RNF169: variants seen among roughly 807,000 people sequenced by gnomAD.
The protein encoded by RNF169 is E3 ubiquitin-protein ligase RNF169.
Under a neutral mutation model 53.9 loss-of-function variants are expected in RNF169, and 24 were observed. The observed-to-expected ratio is 0.45, with a 90% CI of 0.32 to 0.63. The LOEUF (loss-of-function observed/expected upper bound fraction) is 0.63. RNF169 is among the 20% of genes least tolerant of loss of function. The pLI, the probability that RNF169 is intolerant of heterozygous loss-of-function variation, is 0.04. For missense variants in RNF169, 883 were observed against 906.2 expected, an observed-to-expected ratio of 0.97 and a Z score of 0.33; for synonymous variants, 396 against 363.5, an observed-to-expected ratio of 1.09 and a Z score of -1.02.
In RNF169 at chr11:74,814,550, T is replaced by C. The variant is rs549540473; in HGVS notation, c.724-3046T>C. Among the ~76,000 whole-genome samples the C allele has an allele frequency of 2.4e-4, 36 of 151,914 alleles. No homozygotes were observed. In the South Asian group the frequency reaches 7.1e-3, roughly 30 times the overall value. Reference sequence around the variant, plus strand: ...GCGCCTATTACATGCCTGACTAGTTTTTTTTTCAAGTTTTTGTTTTTGTAG... The same window carrying C: ...GCGCCTATTACATGCCTGACTAGTTCTTTTTTCAAGTTTTTGTTTTTGTAG... On this transcript the variant is annotated intron_variant, in intron 3 of 5. Transcript: ENST00000299563.
intron 5 of RNF169, among the ~76,000 whole-genome samples, chr11:74,835,245 T>C (rs2036236117): frequency 6.6e-6 from 1 of 152,204 alleles, no homozygotes; most frequent in Non-Finnish European, 1.5e-5. Context: ...ATGCTGGGAT[T>C]ACAGCACTTT....
chr11:74,835,461 T>C, intron 5 of RNF169, 85 bp from the exon 6 acceptor site: 1 of 1,029,140 alleles, frequency 9.7e-7, no homozygotes, highest in Non-Finnish European at 1.5e-6. Context: ...TCCCCTTCCC[T>C]GTGCCTCCAC....
chr11:74,791,264 G>A, intron 2 of RNF169, among the ~76,000 whole-genome samples: 1 of 152,166 alleles, frequency 6.6e-6, no homozygotes, highest in Non-Finnish European at 1.5e-5. Flanking sequence ...AGGGGAGGAA[G>A]TGCATACTGA....
In RNF169 at chr11:74,750,865, G is replaced by GTTTTTT. The variant is rs35173529; in HGVS notation, c.502+1504_502+1509dup. ...GATCCGCCCGCCTTGGCCTCCCAAG[G>GTTTTTT]TTTTTTTTTTTTTTTTTTTTTTTTT... is the stretch of plus-strand genomic sequence containing the variant. On this transcript the variant is annotated intron_variant, in intron 1 of 5. Coordinates refer to ENST00000299563, the MANE Select transcript of RNF169 (RefSeq NM_001098638.2). Among the ~76,000 whole-genome samples the GTTTTTT allele has an allele frequency of 4.2e-4, 25 of 60,128 alleles. 3 individuals carry two copies. The highest frequency in any genetic ancestry group is 1.5e-3 in the African/African-American group (22 of 14,458). 39.4% of individuals were successfully genotyped at this position (60,128 alleles called of 152,430 possible).
At chr11:74,799,815 A>G (rs1489014464) in intron 2 of RNF169, among the ~76,000 whole-genome samples, 2 of 151,958 alleles carry the variant, frequency 1.3e-5, no homozygotes, top group Middle Eastern at 3.2e-3. Context: ...TCAGGTTATC[A>G]AAAAGTTTTA....
chr11:74,774,648 G>T (rs2035307197), intron 1 of RNF169, among the ~76,000 whole-genome samples: 1 of 152,048 alleles, frequency 6.6e-6, no homozygotes, highest in African/African-American at 2.4e-5. Flanking sequence ...GTGGGTTAAG[G>T]TGAGAATTAG....
intron 4 of RNF169, chr11:74,831,106 A>G (rs1190581259): frequency 6.6e-6 from 1 of 152,226 alleles, no homozygotes; most frequent in Admixed American, 6.5e-5. Flanking sequence ...AATGATGTCT[A>G]CTGTTGCCAC....
chr11:74,829,415 A>G (rs1279783189), intron 4 of RNF169, among the ~76,000 whole-genome samples: 1 of 152,236 alleles, frequency 6.6e-6, no homozygotes, highest in Non-Finnish European at 1.5e-5. Context: ...TAGTTCAACC[A>G]TTGTGGAAGA....
intron 1 of RNF169, among the ~76,000 whole-genome samples, chr11:74,777,773 T>TA (rs1591398711): frequency 6.6e-6 from 1 of 152,010 alleles, no homozygotes; most frequent in East Asian, 1.9e-4. Context: ...GGACTACAAA[T>TA]ATGCACCACC....
At chr11:74,758,533 G>A (rs1384718626) in intron 1 of RNF169, among the ~76,000 whole-genome samples, 2 of 149,998 alleles carry the variant, frequency 1.3e-5, no homozygotes, top group Non-Finnish European at 3.0e-5. Flanking sequence ...ACGGAGTCTC[G>A]CTCTGTCACC....
intron 1 of RNF169, among the ~76,000 whole-genome samples, chr11:74,785,210 G>GAT (rs956483894): frequency 3.5e-4 from 22 of 63,322 alleles, no homozygotes; most frequent in South Asian, 2.5e-3. Context: ...ATATATATAT[G>GAT]ATATATATAT....
intron 4 of RNF169, among the ~76,000 whole-genome samples, chr11:74,818,620 C>T (rs924292833): frequency 3.9e-5 from 6 of 152,132 alleles, no homozygotes; most frequent in Admixed American, 3.3e-4. Context: ...TCTTGAACTC[C>T]TGGGCTCAAG....
chr11:74,766,573 A>G (rs575126847), intron 1 of RNF169, among the ~76,000 whole-genome samples: 1 of 152,362 alleles, frequency 6.6e-6, no homozygotes, highest in South Asian at 2.1e-4. Context: ...ATTTATAGCT[A>G]AGATGATATG....
At chr11:74,791,252 A>G (rs777606380) in intron 2 of RNF169, among the ~76,000 whole-genome samples, 3 of 152,158 alleles carry the variant, frequency 2.0e-5, no homozygotes, top group Non-Finnish European at 4.4e-5. Context: ...TATGGGCTTC[A>G]GAGGGGAGGA....
chr11:74,792,725 G>A (rs906157206), intron 2 of RNF169, among the ~76,000 whole-genome samples: 1 of 152,134 alleles, frequency 6.6e-6, no homozygotes, highest in Non-Finnish European at 1.5e-5. Flanking sequence ...TATAAACCTT[G>A]GGAGAGAGAA....
At chr11:74,790,885 T>C (rs2035569213) in intron 2 of RNF169, among the ~76,000 whole-genome samples, 1 of 152,246 alleles carries the variant, frequency 6.6e-6, no homozygotes, top group Non-Finnish European at 1.5e-5. Context: ...CTGGGCTCCC[T>C]GAAGGGCTGC....
intron 4 of RNF169, among the ~76,000 whole-genome samples, chr11:74,827,501 C>G (rs1252025656): frequency 6.6e-6 from 1 of 152,162 alleles, no homozygotes; most frequent in Non-Finnish European, 1.5e-5. Context: ...TTTTTGTTTT[C>G]TATTGCTCCG....
At chr11:74,791,135 C>T (rs934275199) in intron 2 of RNF169, among the ~76,000 whole-genome samples, 10 of 152,272 alleles carry the variant, frequency 6.6e-5, no homozygotes, top group East Asian at 1.9e-4. Context: ...GCAGGTCGTC[C>T]GGACATCTAC....
chr11:74,763,361 C>T (rs2035119911), intron 1 of RNF169, among the ~76,000 whole-genome samples: 1 of 151,980 alleles, frequency 6.6e-6, no homozygotes, highest in African/African-American at 2.4e-5. Context: ...CGAGAGTCAG[C>T]AGATAGAACA....
Sources: allele counts gnomAD v4.1 joint callset (sites outside exome capture counted in the v4.1 genomes callset), GRCh38; gene constraint gnomAD v4.1.1; transcripts MANE v1.5; gene names NCBI Gene and HGNC (gene_info 2026-07-23, HGNC 2026-07-21).